TTLL8: variants seen among roughly 807,000 people sequenced by gnomAD.
TTLL8 encodes tubulin tyrosine ligase like 8, also known as protein monoglycylase TTLL8.
In TTLL8, 65 loss-of-function variants were observed where a neutral mutation model predicts 77.8. That is an observed-to-expected ratio of 0.84 (90% CI 0.68 to 1.03). The LOEUF is 1.03. TTLL8 is among the 50% of genes least tolerant of loss of function. The pLI, the probability that TTLL8 is intolerant of heterozygous loss-of-function variation, is 0.00. For synonymous variants in TTLL8, 402 were observed against 422.8 expected, an observed-to-expected ratio of 0.95 and a Z score of 0.60; for missense variants, 910 against 1,004.5, an observed-to-expected ratio of 0.91 and a Z score of 1.27.
intron 12 of TTLL8, among the ~76,000 whole-genome samples, chr22:50,021,839 T>A (rs1448635993): frequency 6.8e-6 from 1 of 148,068 alleles, no homozygotes; most frequent in Non-Finnish European, 1.5e-5. Context: ...CGACGTGCAC[T>A]CCTCCATCTG....
chr22:50,027,430 A>G (rs1216936878), intron 12 of TTLL8, among the ~76,000 whole-genome samples: 27 of 135,998 alleles, frequency 2.0e-4, no homozygotes, highest in South Asian at 7.6e-4. Flanking sequence ...GCTACTCAGG[A>G]GGCTGAGGCA....
chr22:50,042,200 A>G (rs556028493), intron 6 of TTLL8, among the ~76,000 whole-genome samples: 2 of 152,250 alleles, frequency 1.3e-5, no homozygotes, highest in Non-Finnish European at 2.9e-5. Context: ...TTTTAAGACA[A>G]TGGGAAGACA....
At position 50,041,263 on chromosome 22, in the gene TTLL8, C is replaced by G. The variant is rs747489285; in HGVS notation, c.845G>C (p.Ser282Thr). 2 of 504,542 alleles carry G rather than the reference C, an allele frequency of 4.0e-6. No homozygotes were observed. Among genetic ancestry groups the G allele is most frequent in the Non-Finnish European group, 8.0e-6 (2 of 250,142 alleles). The allele number at this position is 504,542 out of a possible 1,614,324, so 31.3% of individuals were successfully genotyped here. Residue 282 changes from serine (S) to threonine (T), a missense_variant, in exon 8 of 14, where the codon AGT (serine) becomes ACT (threonine). Ser to Thr is a moderately conservative substitution (Grantham distance 58). Transcript: ENST00000266182. The surrounding 1 kb of genome is among the most constrained non-coding windows in gnomAD (Gnocchi z 4.3). Reference sequence around the variant, plus strand: ...TTTGAAGATGCACAAGACAATGCTACTCCCCAAAGGCACCCTGAGGGGGTA... The same window carrying G: ...TTTGAAGATGCACAAGACAATGCTAGTCCCCAAAGGCACCCTGAGGGGGTA...
chr22:50,045,722 C>A (rs1391803027), intron 5 of TTLL8, 134 bp downstream of exon 7: 2 of 1,212,842 alleles, frequency 1.6e-6, no homozygotes, highest in African/African-American at 3.2e-5. Context: ...CTGCCATGAC[C>A]ATGACCATGG....
chr22:50,057,022 G>T, upstream of TTLL8: 1 of 1,246,420 alleles, frequency 8.0e-7, no homozygotes, highest in Non-Finnish European at 1.1e-6. Flanking sequence ...GGTGTGGGGG[G>T]CTCTGGGGAT....
chr22:50,055,710 T>C (rs922590828), upstream of TTLL8, among the ~76,000 whole-genome samples: 10 of 150,062 alleles, frequency 6.7e-5, no homozygotes, highest in Non-Finnish European at 1.2e-4. Flanking sequence ...AAATGGCATA[T>C]TCTGAGGGGT....
At chr22:50,037,536 T>A (rs142236711) in intron 8 of TTLL8, among the ~76,000 whole-genome samples, 1 of 152,204 alleles carries the variant, frequency 6.6e-6, no homozygotes, top group African/African-American at 2.4e-5. Context: ...TTCACATATA[T>A]GATATATCAA....
chr22:50,043,827 G>A (rs2061391480), intron 6 of TTLL8, among the ~76,000 whole-genome samples: 1 of 152,146 alleles, frequency 6.6e-6, no homozygotes, highest in Non-Finnish European at 1.5e-5. Context: ...AAACCGTGGA[G>A]ACAGGAAGAA....
rs767497932 is a variant in TTLL8 at position 50,045,572 on chromosome 22, G to A, written c.509-183C>T. Reference sequence around the variant, plus strand: ...CTCCCTGCAGTGTCTCTGTGACTGCGGCCGTCCAGCTGCACCCCTCGGCCT... The same window carrying A: ...CTCCCTGCAGTGTCTCTGTGACTGCAGCCGTCCAGCTGCACCCCTCGGCCT... On this transcript the variant is annotated intron_variant, in intron 5 of 13. Transcript: ENST00000266182. 2.0e-4 allele frequency among the ~76,000 whole-genome samples: 30 copies of A among 152,224 alleles called. No individual in the cohort carries two copies. The Middle Eastern group carries it at 0.014, about 69-fold the overall frequency.
chr22:50,032,380 A>G (rs1226872982), intron 10 of TTLL8, among the ~76,000 whole-genome samples: 1 of 152,186 alleles, frequency 6.6e-6, no homozygotes, highest in African/African-American at 2.4e-5. Flanking sequence ...CTGGCTTCTC[A>G]CTGCCCTGCC....
rs1294023366 is a variant in TTLL8 at position 50,034,922 on chromosome 22, G to A, written c.922-460C>T. On this transcript the variant is annotated intron_variant, in intron 8 of 13. Transcript: ENST00000266182. This position sits in a 1 kb window ranked among gnomAD's most constrained non-coding sequence, Gnocchi z 4.1. ...CCCCTGGTAGGAAAGTGGCCGGCCC[G>A]TGCAGGCCTCCTGTGTCCCGGCCAG... Among the ~76,000 whole-genome samples, 1 of 152,208 alleles carries A rather than the reference G, an allele frequency of 6.6e-6. No homozygotes were observed. The highest frequency in any genetic ancestry group is 1.5e-5 in the Non-Finnish European group (1 of 68,030).
chr22:50,020,051 A>C (rs940594759), intron 12 of TTLL8, among the ~76,000 whole-genome samples: 3 of 152,254 alleles, frequency 2.0e-5, no homozygotes, highest in African/African-American at 7.2e-5. Flanking sequence ...TACTTTTCTT[A>C]GTAACTGATA....
exon 2 of TTLL8, chr22:50,050,201 G>T: frequency 8.8e-6 from 12 of 1,360,206 alleles, no homozygotes; most frequent in Non-Finnish European, 1.2e-5. Flanking sequence ...TCGCAGAGCG[G>T]CCCGGACCAC....
Position 50,034,361 on chromosome 22 carries a change from G to T in TTLL8, c.1023C>A (p.Gly341=). Residue 341 remains glycine (G), a synonymous_variant, in exon 9 of 14, where the codon GGC becomes GGA. Transcript: ENST00000266182. The surrounding 1 kb of genome is among the most constrained non-coding windows in gnomAD (Gnocchi z 4.1). The stretch of plus-strand genomic sequence containing the variant: ...CATCCGCACCAGGGGACTCACCTCG[G>T]CCCCGGGACTTGGCCGCGGGCTTTA... 2 of 1,366,186 alleles carry T rather than the reference G, an allele frequency of 1.5e-6. No homozygotes were observed. The highest frequency in any genetic ancestry group is 9.8e-7 in the Non-Finnish European group (1 of 1,021,762). 84.6% of individuals were successfully genotyped at this position (1,366,186 alleles called of 1,614,324 possible).
intron 12 of TTLL8, among the ~76,000 whole-genome samples, chr22:50,022,452 T>TGTGTACTCCTCCATCTGAC: frequency 6.9e-6 from 1 of 144,988 alleles, no homozygotes; most frequent in South Asian, 2.3e-4. Context: ...CATCTGATGA[T>TGTGTACTCCTCCATCTGAC]GTGTACTCCT....
At chr22:50,027,990 G>C (rs545784325) in intron 12 of TTLL8, among the ~76,000 whole-genome samples, 2 of 152,262 alleles carry the variant, frequency 1.3e-5, no homozygotes, top group South Asian at 2.1e-4. Context: ...CCTCAGACAC[G>C]TGGTGTCGGC....
At position 50,030,943 on chromosome 22, in the gene TTLL8, G is replaced by T. The variant is rs780133530; in HGVS notation, c.1708-18C>A. On this transcript the variant is annotated intron_variant, in intron 11 of 13. Transcript: ENST00000266182. ...ACCACCGGCTGTGGGGAAGGAACAGGTTGGGGTGCTGGGCTGTGGCCGGGA... is the reference window on the plus strand; with the variant it reads ...ACCACCGGCTGTGGGGAAGGAACAGTTTGGGGTGCTGGGCTGTGGCCGGGA... 1 of 1,313,740 alleles carries T rather than the reference G, an allele frequency of 7.6e-7. No homozygotes were observed. Among genetic ancestry groups the T allele is most frequent in the East Asian group, 5.0e-5 (1 of 19,932 alleles). The allele number at this position is 1,313,740 out of a possible 1,614,324, so 81.4% of individuals were successfully genotyped here.
chr22:50,055,097 G>T, upstream of TTLL8: 1 of 1,137,688 alleles, frequency 8.8e-7, no homozygotes, highest in Non-Finnish European at 1.1e-6. Flanking sequence ...GGTAACATGA[G>T]CCAAGTCCCC....
chr22:50,026,857 C>G (rs988078280), intron 12 of TTLL8, among the ~76,000 whole-genome samples: 23 of 152,152 alleles, frequency 1.5e-4, no homozygotes, highest in Non-Finnish European at 1.5e-5. Context: ...CTTGCCAGAC[C>G]TTCTATCCTG....
Sources: gnomAD v4.1 joint callset for allele counts (sites outside exome capture counted in the v4.1 genomes callset) on GRCh38, gnomAD v4.1.1 for gene constraint, Gnocchi (gnomAD v3.1) non-coding constraint, MANE v1.5 for transcripts, NCBI Gene and HGNC (gene_info 2026-07-23, HGNC 2026-07-21) for gene names.